SMURF2: variants seen among roughly 807,000 people sequenced by gnomAD.
SMURF2 encodes the protein SMAD specific E3 ubiquitin protein ligase 2.
In SMURF2, 48 loss-of-function variants were observed where a neutral mutation model predicts 109.6. The ratio of observed to expected loss-of-function variants is 0.44; its 90% CI spans 0.35 to 0.56. The LOEUF is 0.56. SMURF2 is among the 20% of genes least tolerant of loss of function. SMURF2 has a pLI of 0.01. For synonymous variants in SMURF2, 288 were observed against 317.1 expected, an observed-to-expected ratio of 0.91 and a Z score of 0.97; for missense variants, 575 against 909.0, an observed-to-expected ratio of 0.63 and a Z score of 4.72.
chr17:64,559,943 G>A (rs150268164), intron 12 of SMURF2, among the ~76,000 whole-genome samples: 6 of 151,640 alleles, frequency 4.0e-5, no homozygotes, highest in Admixed American at 6.6e-5. Flanking sequence ...TAGTAGAGAC[G>A]GGGTTTCATC....
chr17:64,633,917 G>C (rs1555691842), intron 1 of SMURF2, among the ~76,000 whole-genome samples: 1 of 152,124 alleles, frequency 6.6e-6, no homozygotes, highest in East Asian at 1.9e-4. Flanking sequence ...AACACTTTAG[G>C]AGGCCGAGGT....
chr17:64,630,956 T>A (rs1970330693), intron 1 of SMURF2, among the ~76,000 whole-genome samples: 1 of 151,876 alleles, frequency 6.6e-6, no homozygotes, highest in East Asian at 1.9e-4. Context: ...ACTAGTATCC[T>A]CCCTAAGAGC....
intron 1 of SMURF2, among the ~76,000 whole-genome samples, chr17:64,661,568 G>T (rs1970776832): frequency 6.6e-6 from 1 of 152,122 alleles, no homozygotes; most frequent in Non-Finnish European, 1.5e-5. Flanking sequence ...TTTCCGACCT[G>T]AAATCCGCCT....
chr17:64,562,502 C>T (rs368077973), intron 11 of SMURF2, among the ~76,000 whole-genome samples: 1 of 151,172 alleles, frequency 6.6e-6, no homozygotes, highest in East Asian at 2.0e-4. Flanking sequence ...GCCTCAGCCT[C>T]CCGAGTAGCT....
At chr17:64,660,696 G>GT (rs2144744771) in intron 1 of SMURF2, 1 of 152,230 alleles carries the variant, frequency 6.6e-6, no homozygotes, top group East Asian at 1.9e-4. Flanking sequence ...ATCCGTACAC[G>GT]TGCACGCACA....
Position 64,544,794 on chromosome 17 carries a change from C to T in SMURF2, c.*1054G>A, listed in dbSNP as rs1408814243. On this transcript the variant is annotated 3_prime_UTR_variant, in exon 19 of 19. Transcript: ENST00000262435. ...GAGCAAAATTCTTCCTTTTTCATAA[C>T]TGTAGCTGATTAAAATTATGAGCAG... 2.6e-5 allele frequency: 4 copies of T among 152,458 alleles called. No individual in the cohort carries two copies. Among genetic ancestry groups the T allele is most frequent in the Non-Finnish European group, 4.4e-5 (3 of 68,026 alleles). The allele number at this position is 152,458 out of a possible 1,614,324, so 9.4% of individuals were successfully genotyped here. A position where few individuals can be genotyped will look rare whatever the true frequency, so the allele number is the denominator to read the frequency against.
intron 1 of SMURF2, among the ~76,000 whole-genome samples, chr17:64,607,076 T>TC (rs1352716233): frequency 6.6e-6 from 1 of 151,524 alleles, no homozygotes; most frequent in East Asian, 1.9e-4. Context: ...TTTTTCTTTT[T>TC]TTTTTTTTTT....
chr17:64,621,068 T>C (rs564104382), intron 1 of SMURF2, among the ~76,000 whole-genome samples: 1 of 152,320 alleles, frequency 6.6e-6, no homozygotes, highest in East Asian at 1.9e-4. Flanking sequence ...TATTGTCCCA[T>C]AATGTTCTAA....
intron 3 of SMURF2, among the ~76,000 whole-genome samples, chr17:64,597,721 C>T (rs544958365): frequency 6.7e-5 from 10 of 148,998 alleles, no homozygotes; most frequent in African/African-American, 2.2e-4. Context: ...TGCAGTGAGC[C>T]GAGATGGTGC....
chr17:64,643,027 C>T (rs1970511321), intron 1 of SMURF2, among the ~76,000 whole-genome samples: 1 of 151,916 alleles, frequency 6.6e-6, no homozygotes, highest in Admixed American at 6.6e-5. Flanking sequence ...GAATTTTACC[C>T]TTTATTTTTT....
At chr17:64,617,324 C>T (rs1251326264) in intron 1 of SMURF2, among the ~76,000 whole-genome samples, 7 of 151,924 alleles carry the variant, frequency 4.6e-5, no homozygotes, top group South Asian at 2.1e-4. Context: ...AAACTAGGCC[C>T]TTAAGTTTAA....
intron 1 of SMURF2, among the ~76,000 whole-genome samples, chr17:64,649,642 G>A (rs1555693301): frequency 6.6e-6 from 1 of 152,098 alleles, no homozygotes; most frequent in Non-Finnish European, 1.5e-5. Flanking sequence ...AGGAGTTTGA[G>A]AAACAACCTG....
intron 4 of SMURF2, among the ~76,000 whole-genome samples, chr17:64,592,312 A>C (rs1252600422): frequency 6.6e-6 from 1 of 152,240 alleles, no homozygotes; most frequent in Non-Finnish European, 1.5e-5. Flanking sequence ...TTGCTGAGTA[A>C]TAAAACAGTT....
At chr17:64,575,302 T>C (rs1969474422) in intron 9 of SMURF2, among the ~76,000 whole-genome samples, 1 of 151,892 alleles carries the variant, frequency 6.6e-6, no homozygotes, top group Admixed American at 6.6e-5. Context: ...TACAGGCACA[T>C]GCCACCATGC....
Position 64,562,845 on chromosome 17 carries a change from G to C in SMURF2, c.1138C>G (p.Arg380Gly). The C allele has an allele frequency of 1.2e-6, 2 of 1,614,090 alleles. No individual in the cohort carries two copies. Among genetic ancestry groups the C allele is most frequent in the Non-Finnish European group, 1.7e-6 (2 of 1,180,006 alleles). ...GGCTGTTGTTGGGAAAGTTCTTGCCGCAAAATTTTTAGTTTCTGAACCAGG... is the reference window on the plus strand; with the variant it reads ...GGCTGTTGTTGGGAAAGTTCTTGCCCCAAAATTTTTAGTTTCTGAACCAGG... ...RDLVQKLKIL[R>G]QELSQQQPQA... Residue 380 changes from arginine (R) to glycine (G), a missense_variant, in exon 11 of 19, where the codon CGG becomes GGG. By Grantham distance (125) the Arg-to-Gly change is moderately radical (BLOSUM62 -2). Transcript: ENST00000262435.
At position 64,631,961 on chromosome 17, in the gene SMURF2, CGGGGGGGGG is replaced by C. The variant is rs782202552; in HGVS notation, c.53-25330_53-25322del. Among the ~76,000 whole-genome samples the C allele has an allele frequency of 4.2e-3, 42 of 9,956 alleles. 1 individual carries two copies. The highest frequency in any genetic ancestry group is 0.02 in the South Asian group (3 of 150). The allele number at this position is 9,956 out of a possible 152,430, so 6.5% of individuals were successfully genotyped here. ...ATTATTCTAAGACTCTCTTTTTTTG[CGGGGGGGGG>C]GGGGGGGGGGTGGACAGAGGCACAC... On this transcript the variant is annotated intron_variant, in intron 1 of 18. Transcript: ENST00000262435.
intron 1 of SMURF2, among the ~76,000 whole-genome samples, chr17:64,633,156 G>A (rs1284659583): frequency 6.6e-6 from 1 of 152,180 alleles, no homozygotes; most frequent in Admixed American, 6.5e-5. Flanking sequence ...TATAGTCCCA[G>A]CTACTTGGGA....
At chr17:64,597,308 G>A (rs782121447) in intron 3 of SMURF2, among the ~76,000 whole-genome samples, 7 of 152,148 alleles carry the variant, frequency 4.6e-5, no homozygotes, top group Non-Finnish European at 1.0e-4. Flanking sequence ...AGCTACTGAG[G>A]AGGGTGAGGT....
At chr17:64,551,095 CA>C (rs1401308267) in intron 16 of SMURF2, among the ~76,000 whole-genome samples, 1 of 152,056 alleles carries the variant, frequency 6.6e-6, no homozygotes, top group Non-Finnish European at 1.5e-5. Context: ...CATGGTGGCT[CA>C]AGCCTATAAT....
Sources: allele counts gnomAD v4.1 joint callset (sites outside exome capture counted in the v4.1 genomes callset), GRCh38; gene constraint gnomAD v4.1.1; transcripts MANE v1.5; gene names NCBI Gene and HGNC (gene_info 2026-07-23, HGNC 2026-07-21).